JAKMIP3: variants seen among roughly 807,000 people sequenced by gnomAD.
JAKMIP3 encodes the protein janus kinase and microtubule-interacting protein 3.
JAKMIP3 carries 58 observed loss-of-function variants against 118.5 expected under a neutral mutation model. The ratio of observed to expected loss-of-function variants is 0.49; its 90% CI spans 0.40 to 0.61. The LOEUF is 0.61. Ranked by LOEUF, JAKMIP3 falls within the 20% of genes least tolerant of loss-of-function variation. The pLI is 0.00. For missense variants in JAKMIP3, 950 were observed against 1,109.0 expected (o/e 0.86, Z 2.04); for synonymous variants, 486 against 451.2 (o/e 1.08, Z -0.98).
intron 1 of JAKMIP3, among the ~76,000 whole-genome samples, chr10:132,058,388 C>T (rs536911688): frequency 2.6e-5 from 4 of 152,298 alleles, no homozygotes; most frequent in South Asian, 2.1e-4. Context: ...GCCCCAGGGG[C>T]GCAGGGTGAC....
intron 1 of JAKMIP3, among the ~76,000 whole-genome samples, chr10:132,039,349 C>T (rs2037638304): frequency 6.6e-6 from 1 of 151,952 alleles, no homozygotes; most frequent in Non-Finnish European, 1.5e-5. Flanking sequence ...CCGGATCCCA[C>T]ACCAGGCCCC....
intron 3 of JAKMIP3, among the ~76,000 whole-genome samples, chr10:132,132,868 T>G (rs574852593): frequency 2.0e-5 from 3 of 152,200 alleles, no homozygotes; most frequent in Non-Finnish European, 2.9e-5. Context: ...CCTGCCTGTT[T>G]AGGGAAGAAA....
intron 13 of JAKMIP3, among the ~76,000 whole-genome samples, chr10:132,147,357 G>A (rs2054824444): frequency 6.6e-6 from 1 of 152,224 alleles, no homozygotes; most frequent in African/African-American, 2.4e-5. Context: ...ACATGCCGTG[G>A]GCCGTGTCAC....
rs767380921 is a variant in JAKMIP3, at chr10:132,118,671, G to A, written c.633+1097G>A. Among the ~76,000 whole-genome samples, 6 of 152,194 alleles carry A rather than the reference G, an allele frequency of 3.9e-5. No homozygotes were observed. The highest frequency in any genetic ancestry group is 7.3e-5 in the Non-Finnish European group (5 of 68,028). On this transcript the variant is annotated intron_variant, in intron 3 of 23. Transcript: ENST00000684848. The surrounding 1 kb of genome is among the most constrained non-coding windows in gnomAD (Gnocchi z 4.8). ...TGACCTCGCCACAGTGTACACGTGG[G>A]TGCCCCCAAACGTGCCTAACCCGGG...
At chr10:132,079,158 C>CTGG (rs142242799) in intron 1 of JAKMIP3, among the ~76,000 whole-genome samples, 3 of 150,196 alleles carry the variant, frequency 2.0e-5, no homozygotes, top group South Asian at 2.1e-4. Flanking sequence ...AGCGGACGGC[C>CTGG]CAGCCCCACA....
At chr10:132,115,305 C>G (rs971408518) in intron 2 of JAKMIP3, among the ~76,000 whole-genome samples, 7 of 151,534 alleles carry the variant, frequency 4.6e-5, no homozygotes, top group African/African-American at 1.7e-4. Flanking sequence ...GGGCACTGAT[C>G]ATGGTTGGGG....
At chr10:132,105,987 A>C (rs2045846159) in intron 2 of JAKMIP3, among the ~76,000 whole-genome samples, 1 of 151,924 alleles carries the variant, frequency 6.6e-6, no homozygotes, top group Admixed American at 6.5e-5. Context: ...TGTCATATCA[A>C]AAGAAGAAGA....
At chr10:132,159,857 C>A (rs376561979) in intron 19 of JAKMIP3, among the ~76,000 whole-genome samples, 1 of 64,624 alleles carries the variant, frequency 1.5e-5, no homozygotes, top group Admixed American at 1.7e-4. Flanking sequence ...GGGGCCTCTC[C>A]CTGTGTGATG....
Position 132,168,464 on chromosome 10 carries a change from G to C in JAKMIP3, c.*534G>C, listed in dbSNP as rs560381892. On this transcript the variant is annotated 3_prime_UTR_variant, in exon 23 of 24. Transcript: ENST00000684848. ...GAGGCTCCCTGGGATGGTCCTGGGA[G>C]GGCTCCCCGACGCCTCAGGGGCCCC... 4.6e-4 allele frequency: 554 copies of C among 1,215,304 alleles called. 3 individuals are homozygous for C. The African/African-American group carries it at 8.1e-3, about 18-fold the overall frequency. The allele number at this position is 1,215,304 out of a possible 1,614,324, so 75.3% of individuals were successfully genotyped here.
chr10:132,145,255 T>C (rs1260467172), intron 12 of JAKMIP3, 65 bp downstream of exon 12: 5 of 1,323,888 alleles, frequency 3.8e-6, no homozygotes, highest in Non-Finnish European at 5.3e-6. Context: ...TGGCTGTACC[T>C]AAAGACAAGC....
At chr10:132,180,546 CGTGCGTGCAT>C (rs1347445971) in intron 23 of JAKMIP3, among the ~76,000 whole-genome samples, 4 of 15,946 alleles carry the variant, frequency 2.5e-4, no homozygotes, top group South Asian at 1.9e-3. Context: ...TGTGTGTGTG[CGTGCGTGCAT>C]GCGTGTGTGT....
rs1201060291 is a variant in JAKMIP3 at position 132,180,686 on chromosome 10, T to C, written c.*1104-1671T>C. On this transcript the variant is annotated intron_variant, in intron 23 of 23. Transcript: ENST00000684848. ...GTGTGCGTGTGTGTGCGCGCGCGTG[T>C]GTGTGCGTGCGTGTGTGTGTGCGCG... Among the ~76,000 whole-genome samples the C allele has an allele frequency of 3.5e-3, 73 of 20,962 alleles. 7 individuals are homozygous for C. Among genetic ancestry groups the C allele is most frequent in the East Asian group, 0.015 (3 of 200 alleles). 13.8% of individuals were successfully genotyped at this position (20,962 alleles called of 152,430 possible).
In JAKMIP3 at chr10:132,135,098, A is replaced by G; in HGVS notation, c.907A>G (p.Ser303Gly). 6.2e-7 allele frequency: 1 copy of G among 1,613,558 alleles called. No individual in the cohort carries two copies. The highest frequency in any genetic ancestry group is 8.5e-7 in the Non-Finnish European group (1 of 1,179,566). Residue 303 changes from serine (S) to glycine (G), a missense_variant, in exon 5 of 24, where the codon AGT becomes GGT. Transcript: ENST00000684848. ...CTTCCAGCTTAAAATCGCGGAGTTA[A>G]GTGCGATTATCCGCAAACTGGAGGA... ...RRFQLKIAEL[S>G]AIIRKLEDRN...
At chr10:132,041,356 G>A (rs1484877922) in intron 1 of JAKMIP3, among the ~76,000 whole-genome samples, 2 of 152,244 alleles carry the variant, frequency 1.3e-5, no homozygotes, top group Non-Finnish European at 2.9e-5. Flanking sequence ...GTGGGTGGTA[G>A]GTGCCAGTGG....
At position 132,111,910 on chromosome 10, in the gene JAKMIP3, G is replaced by A. The variant is rs567211323; in HGVS notation, c.136-5167G>A. Among the ~76,000 whole-genome samples the A allele has an allele frequency of 1.2e-4, 19 of 152,280 alleles. No individual in the cohort carries two copies. The East Asian group carries it at 2.9e-3, about 23-fold the overall frequency. ...CGTGCCATGGCTGAGGGTGGCAGCC[G>A]TGGAGGGGCATGGGGCAGAGGCACC... On this transcript the variant is annotated intron_variant, in intron 2 of 23. Transcript: ENST00000684848.
In JAKMIP3 at chr10:132,136,080, AG is replaced by A; in HGVS notation, c.1116+9del. ...CACCCAGGAGAACATAGAAATGGTG[AG>A]GGGGTGGGGGGCTCCACGGGGCCAC... On this transcript the variant is annotated splice_donor_5th_base_variant and intron_variant, in intron 6 of 23. Transcript: ENST00000684848. 1 of 1,593,924 alleles carries A rather than the reference AG, an allele frequency of 6.3e-7. No individual in the cohort carries two copies. Among genetic ancestry groups the A allele is most frequent in the Non-Finnish European group, 8.6e-7 (1 of 1,163,368 alleles).
At chr10:132,106,476 T>A (rs2045929197) in intron 2 of JAKMIP3, among the ~76,000 whole-genome samples, 1 of 151,888 alleles carries the variant, frequency 6.6e-6, no homozygotes, top group Non-Finnish European at 1.5e-5. Flanking sequence ...CTGCCATGAG[T>A]CCCTCCTCTG....
intron 6 of JAKMIP3, 35 bp downstream of exon 6, chr10:132,136,111 G>A (rs559633019): frequency 2.0e-5 from 32 of 1,605,370 alleles, no homozygotes; most frequent in Admixed American, 1.7e-4. Context: ...GGCCACGGTC[G>A]CACCCGAGCT....
At chr10:132,093,640 G>A (rs183917031) in intron 1 of JAKMIP3, among the ~76,000 whole-genome samples, 85 of 152,274 alleles carry the variant, frequency 5.6e-4, no homozygotes, top group African/African-American at 1.7e-3. Context: ...GTCCATCACC[G>A]CTTCCCTTGG....
Sources: allele counts gnomAD v4.1 joint callset (sites outside exome capture counted in the v4.1 genomes callset), GRCh38; gene constraint gnomAD v4.1.1; non-coding constraint Gnocchi (gnomAD v3.1); transcripts MANE v1.5; gene names NCBI Gene and HGNC (gene_info 2026-07-23, HGNC 2026-07-21).